The following SLC12A6 variants were observed in gnomAD, a reference collection of about 807,000 sequenced individuals.
SLC12A6 encodes solute carrier family 12 member 6, also known as K-Cl cotransporter 3.
In SLC12A6, 66 loss-of-function variants were observed where a neutral mutation model predicts 135.3. That is an observed-to-expected ratio of 0.49 (90% CI 0.40 to 0.60). The LOEUF is 0.60. Ranked by LOEUF, SLC12A6 falls within the 20% of genes least tolerant of loss-of-function variation. The pLI, the probability that SLC12A6 is intolerant of heterozygous loss-of-function variation, is 0.00. For synonymous variants in SLC12A6, 513 were observed against 508.8 expected (o/e 1.01, Z -0.11); for missense variants, 1,058 against 1,452.3 (o/e 0.73, Z 4.41).
chr15:34,336,531 G>T lies in SLC12A6; in HGVS notation c.150C>A (p.Ser50Arg). The change falls in exon 2 of 26, where the codon AGC becomes AGA. Residue 50 changes from serine to arginine, a missense_variant. This residue lies in a region of SLC12A6 where 176 missense variants were observed against 168.9 expected (regional missense o/e 1.04). Transcript: ENST00000354181. ...GCTCACTCCGGCTTGTTTCAGGCAC[G>T]CTTTCCCGGGAGCTAAATCTTACTC... ...SSRVRFSSRE[S>R]VPETSRSEPM... 1 of 1,613,912 alleles carries T rather than the reference G, an allele frequency of 6.2e-7. No homozygotes were observed. The highest frequency in any genetic ancestry group is 8.5e-7 in the Non-Finnish European group (1 of 1,179,890).
intron 3 of SLC12A6, among the ~76,000 whole-genome samples, chr15:34,273,358 C>T (rs1438354535): frequency 6.6e-6 from 1 of 151,928 alleles, no homozygotes; most frequent in Non-Finnish European, 1.5e-5. Flanking sequence ...CTCAAAAAAA[C>T]CAAAAACCAA....
intron 2 of SLC12A6, among the ~76,000 whole-genome samples, chr15:34,287,736 G>A (rs1895201250): frequency 1.3e-5 from 2 of 152,160 alleles, no homozygotes; most frequent in South Asian, 4.1e-4. Flanking sequence ...CAGTGATGAT[G>A]AGCATTTTTT....
intron 2 of SLC12A6, among the ~76,000 whole-genome samples, chr15:34,334,409 A>G (rs1890067490): frequency 6.6e-6 from 1 of 152,198 alleles, no homozygotes; most frequent in Non-Finnish European, 1.5e-5. Context: ...TTTTCTTCAC[A>G]ACAGCACCCT....
intron 12 of SLC12A6, 49 bp downstream of exon 12, chr15:34,250,582 C>A (rs1892317601): frequency 9.9e-7 from 1 of 1,008,068 alleles, no homozygotes. Flanking sequence ...TCTAGTTCTA[C>A]TGGATGCTCC....
chr15:34,273,156 G>A (rs1326134494), intron 3 of SLC12A6, among the ~76,000 whole-genome samples: 1 of 152,152 alleles, frequency 6.6e-6, no homozygotes, highest in African/African-American at 2.4e-5. Context: ...TTCGAGACCA[G>A]CCTGACCAAT....
chr15:34,258,961 A>G lies in SLC12A6; in HGVS notation c.412-17T>C, dbSNP rs1454988735. The G allele has an allele frequency of 6.3e-7, 1 of 1,598,692 alleles. No individual in the cohort carries two copies. The highest frequency in any genetic ancestry group is 1.3e-5 in the African/African-American group (1 of 74,728). ...CATTTCTTCCTATAAAGCCAGTGAC[A>G]TGGAAGAAATGAGCTACAAAGAACA... On this transcript the variant is annotated splice_polypyrimidine_tract_variant and intron_variant, in intron 4 of 25. Coordinates refer to ENST00000354181, the MANE Select transcript of SLC12A6 (RefSeq NM_001365088.1).
intron 2 of SLC12A6, among the ~76,000 whole-genome samples, chr15:34,303,215 G>A (rs1255197303): frequency 2.0e-5 from 3 of 152,116 alleles, no homozygotes; most frequent in Admixed American, 2.0e-4. Flanking sequence ...AATATTTTAA[G>A]AGCCTATATT....
At chr15:34,243,135 G>A (rs1029821898) in intron 16 of SLC12A6, among the ~76,000 whole-genome samples, 5 of 151,898 alleles carry the variant, frequency 3.3e-5, no homozygotes, top group Admixed American at 6.6e-5. Flanking sequence ...TAGGTGATCC[G>A]CCTGCCTTGG....
chr15:34,277,619 C>T (rs1268524695), intron 2 of SLC12A6, among the ~76,000 whole-genome samples: 1 of 152,082 alleles, frequency 6.6e-6, no homozygotes, highest in Non-Finnish European at 1.5e-5. Flanking sequence ...GAAAGCATAA[C>T]AGAATTTTAG....
chr15:34,247,784 A>G (rs1025575985), intron 13 of SLC12A6, among the ~76,000 whole-genome samples: 1 of 151,190 alleles, frequency 6.6e-6, no homozygotes, highest in Non-Finnish European at 1.5e-5. Flanking sequence ...GACTGACTGT[A>G]GCCTCAACCT....
intron 2 of SLC12A6, among the ~76,000 whole-genome samples, chr15:34,334,976 C>T (rs867142281): frequency 1.6e-4 from 25 of 152,252 alleles, no homozygotes; most frequent in Middle Eastern, 3.4e-3. Context: ...ACAAGTCTAA[C>T]AAACTAAACT....
rs750746273 is a variant in SLC12A6, at chr15:34,336,710, G to T, written c.-30C>A. The T allele has an allele frequency of 1.2e-5, 19 of 1,606,086 alleles. No homozygotes were observed. The South Asian group carries it at 2.1e-4, about 18-fold the overall frequency. ...TTCTTTTTAAGAACAAAAAAAGTGGGGGGAACCTCGCAAAATCTTCCTCTT... is the reference window on the plus strand; with the variant it reads ...TTCTTTTTAAGAACAAAAAAAGTGGTGGGAACCTCGCAAAATCTTCCTCTT... On this transcript the variant is annotated 5_prime_UTR_variant, in exon 2 of 26. Coordinates refer to ENST00000354181, the MANE Select transcript of SLC12A6 (RefSeq NM_001365088.1).
chr15:34,246,223 G>A (rs1285894463), intron 13 of SLC12A6, among the ~76,000 whole-genome samples: 2 of 152,014 alleles, frequency 1.3e-5, no homozygotes, highest in East Asian at 3.9e-4. Flanking sequence ...GTGAACCACT[G>A]CGTCCAGCCC....
chr15:34,237,668 T>C, intron 21 of SLC12A6, 118 bp from the exon 22 acceptor site: 1 of 795,156 alleles, frequency 1.3e-6, no homozygotes, highest in Non-Finnish European at 2.2e-6. Context: ...TAAGGCTATT[T>C]GTTCCTAGCT....
intron 15 of SLC12A6, among the ~76,000 whole-genome samples, chr15:34,244,541 T>C (rs924344717): frequency 7.9e-5 from 12 of 152,224 alleles, no homozygotes; most frequent in Non-Finnish European, 1.5e-4. Context: ...TACCCACTAC[T>C]TCCAGGTAAA....
At chr15:34,333,550 C>G (rs1248080609) in intron 2 of SLC12A6, among the ~76,000 whole-genome samples, 2 of 151,984 alleles carry the variant, frequency 1.3e-5, no homozygotes, top group East Asian at 1.9e-4. Flanking sequence ...TTTTGTAACT[C>G]ACTTTCCAGA....
Position 34,254,511 on chromosome 15 carries a change from G to A in SLC12A6, c.955C>T (p.Arg319Cys), listed in dbSNP as rs755778625. Reference protein sequence around the residue: ...KESAAMLNNMRVYGTAFLVLM... With the variant: ...KESAAMLNNMCVYGTAFLVLM... ...ACCAAGAAAGCTGTGCCGTAGACACGCATGTTATTTAGCATGGCTGCTGAT... is the reference window on the plus strand; with the variant it reads ...ACCAAGAAAGCTGTGCCGTAGACACACATGTTATTTAGCATGGCTGCTGAT... The change falls in exon 9 of 26, where the codon CGT (arginine) becomes TGT (cysteine). Residue 319 changes from arginine (R) to cysteine (C), a missense_variant. Around this residue, in one of 6 missense-constraint regions of SLC12A6, gnomAD observed 297 missense variants for 318.5 expected, o/e 0.93. Transcript: ENST00000354181. The A allele has an allele frequency of 7.4e-6, 12 of 1,612,220 alleles. No individual in the cohort carries two copies. The highest frequency in any genetic ancestry group is 1.1e-5 in the South Asian group (1 of 91,052).
chr15:34,255,428 G>A (rs760082337), intron 7 of SLC12A6, 36 bp from the exon 8 acceptor site: 1 of 1,488,192 alleles, frequency 6.7e-7, no homozygotes, highest in African/African-American at 1.4e-5. Context: ...AGAAGAAAGA[G>A]TGTGTATTAG....
At chr15:34,322,310 G>A (rs1889148653) in intron 2 of SLC12A6, among the ~76,000 whole-genome samples, 1 of 152,010 alleles carries the variant, frequency 6.6e-6, no homozygotes, top group African/African-American at 2.4e-5. Flanking sequence ...GAACCCGGGA[G>A]GCAGAGGTTG....
Sources: gnomAD v4.1 joint callset for allele counts (sites outside exome capture counted in the v4.1 genomes callset) on GRCh38, gnomAD v4.1.1 for gene constraint, gnomAD v4.1.1 regional missense constraint, MANE v1.5 for transcripts, NCBI Gene and HGNC (gene_info 2026-07-23, HGNC 2026-07-21) for gene names.